The following KNL1 variants were observed in gnomAD, a reference collection of about 807,000 sequenced individuals.
KNL1 encodes the protein outer kinetochore KNL1 complex subunit KNL1.
KNL1 carries 66 observed loss-of-function variants against 201.3 expected under a neutral mutation model. That is an observed-to-expected ratio of 0.33 (90% CI 0.27 to 0.40). The LOEUF (loss-of-function observed/expected upper bound fraction) is 0.40, where lower values mean the gene tolerates loss of function less well. Ranked by LOEUF, KNL1 falls within the 10% of genes least tolerant of loss-of-function variation. The probability of loss-of-function intolerance (pLI) is 1.00; values close to 1 mark genes in which losing one functional copy is unlikely to be tolerated. For missense variants in KNL1, 2,815 were observed against 2,690.5 expected (o/e 1.05, Z -1.02); for synonymous variants, 895 against 899.2 (o/e 1.00, Z 0.08).
chr15:40,645,511 T>C, intron 15 of KNL1, 145 bp from the exon 16 acceptor site: 1 of 439,178 alleles, frequency 2.3e-6, no homozygotes. Flanking sequence ...AAATCTTTTT[T>C]CTGGTCTTAG....
chr15:40,636,877 T>TC (rs1252853386), intron 13 of KNL1, among the ~76,000 whole-genome samples: 1 of 151,984 alleles, frequency 6.6e-6, no homozygotes, highest in Admixed American at 6.6e-5. Flanking sequence ...CCATTTCCCC[T>TC]CCCCCGCATT....
At chr15:40,602,225 G>C (rs1454937564) in intron 1 of KNL1, among the ~76,000 whole-genome samples, 3 of 149,136 alleles carry the variant, frequency 2.0e-5, no homozygotes, top group African/African-American at 4.9e-5. Context: ...AGTAGAGACG[G>C]GGTTTCACCG....
In KNL1 at chr15:40,625,321, C is replaced by T; in HGVS notation, c.5057C>T (p.Thr1686Ile). The T allele has an allele frequency of 6.2e-7, 1 of 1,614,064 alleles. No homozygotes were observed. Among genetic ancestry groups the T allele is most frequent in the Non-Finnish European group, 8.5e-7 (1 of 1,179,984 alleles). The change falls in exon 10 of 26, where the codon ACT becomes ATT. Residue 1686 changes from threonine (T) to isoleucine (I), a missense_variant. Physicochemically the swap from Thr to Ile is moderately conservative, Grantham distance 89 (BLOSUM62 -1). Transcript: ENST00000399668. The stretch of plus-strand genomic sequence containing the variant: ...ACAACTGATATAAATCACTTAGAAA[C>T]TCAGCCGGTCTCTAGCAAAGATTCA... ...ADTTDINHLE[T>I]QPVSSKDSGI...
At chr15:40,659,190 G>A (rs1893829487) in intron 24 of KNL1, 149 bp from the exon 25 acceptor site, 1 of 477,518 alleles carries the variant, frequency 2.1e-6, no homozygotes, top group Admixed American at 3.6e-5. Context: ...GATAGAACTT[G>A]GGAGGTGGAG....
chr15:40,622,422 C>A lies in KNL1; in HGVS notation c.2158C>A (p.His720Asn). The change falls in exon 10 of 26, where the codon CAT (histidine) becomes AAT (asparagine). Residue 720 changes from histidine (H) to asparagine (N), a missense_variant. Transcript: ENST00000399668. ...AAATCATGATACTGCTATAAGTAGT[C>A]ATACAGTGAAATCTGTACTAGGCCA... ...MKNHDTAISS[H>N]TVKSVLGQNS... The A allele has an allele frequency of 1.2e-6, 2 of 1,613,584 alleles. No homozygotes were observed. The highest frequency in any genetic ancestry group is 1.1e-5 in the South Asian group (1 of 91,016).
Position 40,624,264 on chromosome 15 carries a change from C to A in KNL1, c.4000C>A (p.Pro1334Thr). ...DKDEEKANYC[P>T]VQNDLAYAND... ...AGATGAGGAAAAAGCCAATTATTGC[C>A]CAGTGCAAAATGATCTTGCTTATGC... Residue 1334 changes from proline (P) to threonine (T), a missense_variant, in exon 10 of 26, where the codon CCA (proline) becomes ACA (threonine). By Grantham distance (38) the Pro-to-Thr change is conservative (BLOSUM62 -1). Transcript: ENST00000399668. The A allele has an allele frequency of 1.9e-6, 3 of 1,613,992 alleles. No individual in the cohort carries two copies. The highest frequency in any genetic ancestry group is 2.7e-5 in the African/African-American group (2 of 75,032).
rs201710699 is a variant in KNL1 at position 40,661,871 on chromosome 15, T to C, written c.6837-203T>C. On this transcript the variant is annotated intron_variant, in intron 25 of 25. Transcript: ENST00000399668. ...TCCTGAGTAACACAGTGAAACCCCA[T>C]CTCTACTAAAAATACAAAAATTAGC... Among the ~76,000 whole-genome samples, 13 of 151,746 alleles carry C rather than the reference T, an allele frequency of 8.6e-5. No homozygotes were observed. In the East Asian group the frequency reaches 2.3e-3, roughly 27 times the overall value.
intron 11 of KNL1, among the ~76,000 whole-genome samples, 197 bp downstream of exon 11, chr15:40,628,405 T>TA (rs1195942764): frequency 6.6e-6 from 1 of 152,222 alleles, no homozygotes; most frequent in Non-Finnish European, 1.5e-5. Context: ...TACAGAGAAA[T>TA]AGAGTGATTT....
intron 7 of KNL1, among the ~76,000 whole-genome samples, chr15:40,614,337 A>G (rs1432590397): frequency 6.6e-6 from 1 of 152,000 alleles, no homozygotes; most frequent in Non-Finnish European, 1.5e-5. Flanking sequence ...ACCTCAGTTT[A>G]TCTGCCTGCC....
At chr15:40,641,078 T>G (rs2141747656) in intron 14 of KNL1, 51 bp downstream of exon 14, 1 of 1,220,860 alleles carries the variant, frequency 8.2e-7, no homozygotes, top group African/African-American at 1.5e-5. Context: ...AGGGATCAGT[T>G]AATAGTTTGT....
At chr15:40,655,087 C>G in intron 22 of KNL1, 110 bp downstream of exon 22, 1 of 763,092 alleles carries the variant, frequency 1.3e-6, no homozygotes, top group Non-Finnish European at 2.2e-6. Flanking sequence ...CACCAGGGGT[C>G]AGGAGTTTGA....
intron 13 of KNL1, among the ~76,000 whole-genome samples, chr15:40,635,579 C>G (rs964728155): frequency 6.6e-6 from 1 of 152,098 alleles, no homozygotes; most frequent in African/African-American, 2.4e-5. Context: ...GTCTCAAACT[C>G]CTGACCTCAG....
chr15:40,622,600 T>C lies in KNL1; in HGVS notation c.2336T>C (p.Leu779Pro). Reference protein sequence around the residue: ...TVVIGFGPSELQELGKTNLEH... With the variant: ...TVVIGFGPSEPQELGKTNLEH... ...GTCATTGGATTTGGTCCTTCTGAACTACAAGAACTTGGTAAAACTAATTTA... is the reference window on the plus strand; with the variant it reads ...GTCATTGGATTTGGTCCTTCTGAACCACAAGAACTTGGTAAAACTAATTTA... The change falls in exon 10 of 26, where the codon CTA (leucine) becomes CCA (proline). Residue 779 changes from leucine to proline, a missense_variant. Coordinates refer to ENST00000399668, the MANE Select transcript of KNL1 (RefSeq NM_144508.5). 1 of 1,607,526 alleles carries C rather than the reference T, an allele frequency of 6.2e-7. No homozygotes were observed. Among genetic ancestry groups the C allele is most frequent in the Non-Finnish European group, 8.5e-7 (1 of 1,177,394 alleles).
At chr15:40,629,844 A>C (rs1892862959) in intron 13 of KNL1, among the ~76,000 whole-genome samples, 1 of 152,074 alleles carries the variant, frequency 6.6e-6, no homozygotes, top group East Asian at 1.9e-4. Flanking sequence ...AGCATAAACA[A>C]AAACCAAAAA....
chr15:40,617,679 A>G (rs1423121023), intron 8 of KNL1, among the ~76,000 whole-genome samples: 1 of 152,088 alleles, frequency 6.6e-6, no homozygotes, highest in Non-Finnish European at 1.5e-5. Context: ...AATTTATCAC[A>G]TTGTACTTTA....
chr15:40,623,600 G>A lies in KNL1; in HGVS notation c.3336G>A (p.Gly1112=). 6.2e-7 allele frequency: 1 copy of A among 1,613,330 alleles called. No individual in the cohort carries two copies. Among genetic ancestry groups the A allele is most frequent in the South Asian group, 1.1e-5 (1 of 91,044 alleles). The change falls in exon 10 of 26, where the codon GGG becomes GGA. Residue 1112 remains glycine (G), a synonymous_variant. Coordinates refer to ENST00000399668, the MANE Select transcript of KNL1 (RefSeq NM_144508.5). ...LEDKEDFHLA[G]ASKTILYSCG... Reference sequence around the variant, plus strand: ...ATAAAGAGGACTTCCATTTGGCAGGGGCTTCTAAAACTATTTTGTATTCAT... The same window carrying A: ...ATAAAGAGGACTTCCATTTGGCAGGAGCTTCTAAAACTATTTTGTATTCAT...
intron 2 of KNL1, among the ~76,000 whole-genome samples, chr15:40,603,752 T>C (rs1278229476): frequency 6.6e-6 from 1 of 152,210 alleles, no homozygotes; most frequent in Non-Finnish European, 1.5e-5. Flanking sequence ...GCAGCACTGG[T>C]ATAGCTCCTT....
rs371781839 is a variant in KNL1 at position 40,622,213 on chromosome 15, C to G, written c.1949C>G (p.Pro650Arg). The G allele has an allele frequency of 3.1e-6, 5 of 1,614,032 alleles. No individual in the cohort carries two copies. Among genetic ancestry groups the G allele is most frequent in the Non-Finnish European group, 1.7e-6 (2 of 1,179,942 alleles). ...AAAGATTGGGTTTTGAAGATTTTGC[C>G]CTACCTTGATAAAGATTCTCCTCAG... ...KDKDWVLKIL[P>R]YLDKDSPQSA... Residue 650 changes from proline to arginine, a missense_variant, in exon 10 of 26, where the codon CCC becomes CGC. Transcript: ENST00000399668.
At chr15:40,628,982 A>G (rs539108028) in intron 12 of KNL1, among the ~76,000 whole-genome samples, 2 of 152,302 alleles carry the variant, frequency 1.3e-5, no homozygotes, top group Non-Finnish European at 1.5e-5. Context: ...GCAGTGAGCC[A>G]TGATCACACA....
Sources: gnomAD v4.1 joint callset for allele counts (sites outside exome capture counted in the v4.1 genomes callset) on GRCh38, gnomAD v4.1.1 for gene constraint, MANE v1.5 for transcripts, NCBI Gene and HGNC (gene_info 2026-07-23, HGNC 2026-07-21) for gene names.